The following NRXN3 variants were observed in gnomAD, a reference collection of about 807,000 sequenced individuals.
NRXN3 encodes the protein neurexin 3.
Under a neutral mutation model 137.6 loss-of-function variants are expected in NRXN3, and 32 were observed. The ratio of observed to expected loss-of-function variants is 0.23; its 90% CI spans 0.18 to 0.31. The LOEUF (loss-of-function observed/expected upper bound fraction) is 0.31, where lower values mean the gene tolerates loss of function less well. NRXN3 is among the 10% of genes least tolerant of loss of function. The pLI, the probability that NRXN3 is intolerant of heterozygous loss-of-function variation, is 1.00. For missense variants in NRXN3, 1,574 were observed against 2,062.5 expected, an observed-to-expected ratio of 0.76 and a Z score of 4.59; for synonymous variants, 798 against 784.5, an observed-to-expected ratio of 1.02 and a Z score of -0.29.
At chr14:78,216,402 A>G (rs2063286926) in intron 1 of NRXN3, among the ~76,000 whole-genome samples, 1 of 152,134 alleles carries the variant, frequency 6.6e-6, no homozygotes, top group South Asian at 2.1e-4. Context: ...CTGAGGTCCC[A>G]CTTGGCAAAG....
At chr14:79,116,164 G>A (rs908420358) in intron 15 of NRXN3, among the ~76,000 whole-genome samples, 3 of 152,114 alleles carry the variant, frequency 2.0e-5, no homozygotes, top group Admixed American at 6.5e-5. Context: ...TCACTAGACC[G>A]ATCCTCCTCA....
intron 16 of NRXN3, among the ~76,000 whole-genome samples, chr14:79,564,566 A>C (rs2097530345): frequency 6.6e-6 from 1 of 152,112 alleles, no homozygotes; most frequent in Non-Finnish European, 1.5e-5. Context: ...TGGTTTCTGG[A>C]TGGTTAAGCG....
chr14:78,866,726 T>C (rs2099087658), intron 10 of NRXN3, among the ~76,000 whole-genome samples: 1 of 151,872 alleles, frequency 6.6e-6, no homozygotes, highest in Non-Finnish European at 1.5e-5. Flanking sequence ...CTGGAGATCA[T>C]GAATTCCTAG....
chr14:78,942,753 A>G (rs1284240634), intron 10 of NRXN3, among the ~76,000 whole-genome samples: 1 of 152,204 alleles, frequency 6.6e-6, no homozygotes, highest in Non-Finnish European at 1.5e-5. Context: ...AGCTAGAAGG[A>G]GCATACTACA....
At chr14:79,785,252 T>G (rs1032964207) in intron 19 of NRXN3, among the ~76,000 whole-genome samples, 1 of 152,184 alleles carries the variant, frequency 6.6e-6, no homozygotes, top group Non-Finnish European at 1.5e-5. Flanking sequence ...GCACCATTAG[T>G]GTACATTTGA....
intron 16 of NRXN3, among the ~76,000 whole-genome samples, chr14:79,590,684 A>T (rs2097796081): frequency 6.6e-6 from 1 of 152,146 alleles, no homozygotes; most frequent in Non-Finnish European, 1.5e-5. Flanking sequence ...CATCATGAAC[A>T]GCACCTATGC....
At chr14:78,593,294 C>A (rs2097132416) in intron 4 of NRXN3, among the ~76,000 whole-genome samples, 1 of 152,186 alleles carries the variant, frequency 6.6e-6, no homozygotes, top group Non-Finnish European at 1.5e-5. Flanking sequence ...AGGAAAAACT[C>A]TTTGAAGTGA....
chr14:78,614,994 T>G (rs2097333344), intron 4 of NRXN3: 1 of 456,528 alleles, frequency 2.2e-6, no homozygotes, highest in Non-Finnish European at 4.4e-6. Flanking sequence ...AGAGCCTAAA[T>G]GCACCCCTCT....
intron 4 of NRXN3, among the ~76,000 whole-genome samples, chr14:78,480,868 G>A (rs192349407): frequency 7.2e-5 from 11 of 152,124 alleles, no homozygotes; most frequent in African/African-American, 2.4e-4. Flanking sequence ...CCCTGTCTTG[G>A]CCAGCTTACT....
At chr14:79,351,151 C>G (rs924164644) in intron 15 of NRXN3, among the ~76,000 whole-genome samples, 11 of 152,160 alleles carry the variant, frequency 7.2e-5, no homozygotes, top group African/African-American at 2.4e-4. Context: ...TCCTTCTTGC[C>G]TGGTCTGTCT....
At chr14:79,516,749 A>G (rs2096989060) in intron 16 of NRXN3, among the ~76,000 whole-genome samples, 1 of 152,196 alleles carries the variant, frequency 6.6e-6, no homozygotes, top group African/African-American at 2.4e-5. Context: ...CTAAACAAAT[A>G]ACAACATACT....
intron 19 of NRXN3, among the ~76,000 whole-genome samples, chr14:79,800,526 T>C (rs2099174962): frequency 6.6e-6 from 1 of 152,220 alleles, no homozygotes; most frequent in Non-Finnish European, 1.5e-5. Context: ...AGACAATGGT[T>C]GTGATTATAG....
At position 79,081,974 on chromosome 14, in the gene NRXN3, C is replaced by G. The variant is rs1036908800; in HGVS notation, c.3262+93833C>G. ...CCAAATAATAGATCCAAAGAATTCT[C>G]TGGATTTGAATTTAATGTTCAAGAG... On this transcript the variant is annotated intron_variant, in intron 15 of 20. Transcript: ENST00000335750. Among the ~76,000 whole-genome samples the G allele has an allele frequency of 4.6e-5, 7 of 151,964 alleles. 1 individual carries two copies. The highest frequency in any genetic ancestry group is 1.7e-4 in the African/African-American group (7 of 41,460).
At chr14:79,436,308 GT>G (rs2095845190) in intron 15 of NRXN3, among the ~76,000 whole-genome samples, 2 of 151,832 alleles carry the variant, frequency 1.3e-5, no homozygotes, top group East Asian at 3.9e-4. Context: ...CTTTTTTCTT[GT>G]TTGATTTGTA....
chr14:79,794,375 C>CAA (rs1444414091), intron 19 of NRXN3, among the ~76,000 whole-genome samples: 1 of 151,616 alleles, frequency 6.6e-6, no homozygotes. Context: ...AAAACAAAAA[C>CAA]AAACAAACAA....
chr14:79,000,627 T>G (rs2099539498), intron 15 of NRXN3, among the ~76,000 whole-genome samples: 1 of 152,174 alleles, frequency 6.6e-6, no homozygotes, highest in Non-Finnish European at 1.5e-5. Flanking sequence ...CTATCTAAAA[T>G]TTCCATGTGA....
chr14:79,077,973 G>A (rs954007623), intron 15 of NRXN3, among the ~76,000 whole-genome samples: 10 of 152,098 alleles, frequency 6.6e-5, no homozygotes, highest in Non-Finnish European at 1.5e-5. Context: ...GTTTGAGGGA[G>A]CTATTTAGAA....
intron 16 of NRXN3, among the ~76,000 whole-genome samples, chr14:79,535,307 T>A (rs1467913300): frequency 2.0e-5 from 3 of 152,204 alleles, no homozygotes; most frequent in Non-Finnish European, 2.9e-5. Context: ...GAGTTCATTA[T>A]GCTCGCTGAC....
At chr14:79,299,441 T>C (rs1420304900) in intron 15 of NRXN3, among the ~76,000 whole-genome samples, 2 of 152,098 alleles carry the variant, frequency 1.3e-5, no homozygotes, top group African/African-American at 4.8e-5. Flanking sequence ...TACTCAACAC[T>C]ACCACTGTAA....
Sources: gnomAD v4.1 joint callset for allele counts (sites outside exome capture counted in the v4.1 genomes callset) on GRCh38, gnomAD v4.1.1 for gene constraint, MANE v1.5 for transcripts, NCBI Gene and HGNC (gene_info 2026-07-23, HGNC 2026-07-21) for gene names.